CCBE1: variants seen among roughly 807,000 people sequenced by gnomAD.
CCBE1 encodes the protein collagen and calcium-binding EGF domain-containing protein 1.
In CCBE1, 37 loss-of-function variants were observed where a neutral mutation model predicts 50.0. That is an observed-to-expected ratio of 0.74 (90% CI 0.57 to 0.97). The LOEUF is 0.97. Ranked by LOEUF, CCBE1 falls within the 50% of genes least tolerant of loss-of-function variation. CCBE1 has a pLI of 0.00. For synonymous variants in CCBE1, 234 were observed against 203.7 expected (o/e 1.15, Z -1.27); for missense variants, 538 against 523.8 (o/e 1.03, Z -0.26).
chr18:59,694,163 C>T (rs760825303), intron 2 of CCBE1, among the ~76,000 whole-genome samples: 5 of 152,084 alleles, frequency 3.3e-5, no homozygotes, highest in Non-Finnish European at 7.4e-5. Flanking sequence ...AGCCACCGCA[C>T]CCGGCCTAGT....
At chr18:59,436,245 C>G (rs1475075363) in intron 10 of CCBE1, 104 bp from the exon 11 acceptor site, 1 of 982,480 alleles carries the variant, frequency 1.0e-6, no homozygotes, top group Admixed American at 1.9e-5. Context: ...TTCTCAATAA[C>G]TCTGTGCCCC....
chr18:59,492,144 C>CAAAAAAAAA (rs869190811), intron 2 of CCBE1, among the ~76,000 whole-genome samples: 4 of 78,424 alleles, frequency 5.1e-5, no homozygotes, highest in Non-Finnish European at 9.7e-5. Context: ...GACTTTGTCT[C>CAAAAAAAAA]AAAAAAAAAA....
In CCBE1 at chr18:59,433,214, C is replaced by T. The variant is rs1469250750; in HGVS notation, c.*2694G>A. The T allele has an allele frequency of 6.6e-6, 1 of 152,024 alleles. No homozygotes were observed. Among genetic ancestry groups the T allele is most frequent in the Non-Finnish European group, 1.5e-5 (1 of 68,026 alleles). 9.4% of individuals were successfully genotyped at this position (152,024 alleles called of 1,614,324 possible). A position where few individuals can be genotyped will look rare whatever the true frequency, so the allele number is the denominator to read the frequency against. On this transcript the variant is annotated 3_prime_UTR_variant, in exon 11 of 11. Transcript: ENST00000439986. ...TCTCCTTTATTCGAAAAGAGGCAGA[C>T]TGGTTCCTGGGGTTACTGCCCTTCT... is the stretch of plus-strand genomic sequence containing the variant.
chr18:59,435,861 G>T lies in CCBE1; in HGVS notation c.*47C>A. The T allele has an allele frequency of 6.6e-7, 1 of 1,516,866 alleles. No homozygotes were observed. Among genetic ancestry groups the T allele is most frequent in the Non-Finnish European group, 9.2e-7 (1 of 1,091,246 alleles). 94.0% of individuals were successfully genotyped at this position (1,516,866 alleles called of 1,614,324 possible). A position where few individuals can be genotyped will look rare whatever the true frequency, so the allele number is the denominator to read the frequency against. On this transcript the variant is annotated 3_prime_UTR_variant, in exon 11 of 11. Coordinates refer to ENST00000439986, the MANE Select transcript of CCBE1 (RefSeq NM_133459.4). ...CTTCTCTTTAGATGGTTTAACTGCA[G>T]GTGAGTTGATCTTTCTCTTCCTTTG...
chr18:59,609,282 T>C (rs1023806030), intron 2 of CCBE1, among the ~76,000 whole-genome samples: 15 of 152,204 alleles, frequency 9.9e-5, no homozygotes, highest in Non-Finnish European at 1.9e-4. Flanking sequence ...TTAGATCTCC[T>C]GCTCACAAAT....
At chr18:59,649,011 G>A (rs577411324) in intron 2 of CCBE1, among the ~76,000 whole-genome samples, 1 of 152,320 alleles carries the variant, frequency 6.6e-6, no homozygotes, top group Non-Finnish European at 1.5e-5. Flanking sequence ...ACTAACTGCA[G>A]GCATTTAAAC....
chr18:59,618,992 C>G (rs1382722895), intron 2 of CCBE1, among the ~76,000 whole-genome samples: 4 of 152,138 alleles, frequency 2.6e-5, no homozygotes, highest in African/African-American at 9.7e-5. Context: ...TACAAATCAT[C>G]TAATAAAACT....
chr18:59,583,752 A>G (rs1364101680), intron 2 of CCBE1, among the ~76,000 whole-genome samples: 3 of 152,116 alleles, frequency 2.0e-5, no homozygotes, highest in Admixed American at 6.5e-5. Context: ...CTTTCCACAC[A>G]GAGAAGGGCA....
chr18:59,516,559 G>C (rs888978983), intron 2 of CCBE1, among the ~76,000 whole-genome samples: 1 of 152,168 alleles, frequency 6.6e-6, no homozygotes, highest in Non-Finnish European at 1.5e-5. Flanking sequence ...GTGCTGAAAA[G>C]GAAAGTCCAG....
intron 7 of CCBE1, among the ~76,000 whole-genome samples, chr18:59,446,515 C>G (rs1015685270): frequency 6.6e-6 from 1 of 152,202 alleles, no homozygotes; most frequent in African/African-American, 2.4e-5. Flanking sequence ...GAGGATAAGC[C>G]AAATCCTGAA....
At chr18:59,586,960 A>T (rs191165477) in intron 2 of CCBE1, among the ~76,000 whole-genome samples, 1 of 152,334 alleles carries the variant, frequency 6.6e-6, no homozygotes, top group East Asian at 1.9e-4. Flanking sequence ...CAGAAAAAAC[A>T]GAGGGCAGAT....
chr18:59,647,774 C>T (rs897917523), intron 2 of CCBE1, among the ~76,000 whole-genome samples: 1 of 152,074 alleles, frequency 6.6e-6, no homozygotes, highest in Non-Finnish European at 1.5e-5. Flanking sequence ...TCAATTGTTT[C>T]GATGGAATAA....
chr18:59,636,327 T>C (rs553702102), intron 2 of CCBE1, among the ~76,000 whole-genome samples: 1 of 152,204 alleles, frequency 6.6e-6, no homozygotes, highest in Non-Finnish European at 1.5e-5. Context: ...ATTTACATCT[T>C]GGCACTACCT....
At chr18:59,505,699 C>CA (rs1913839294) in intron 2 of CCBE1, among the ~76,000 whole-genome samples, 1 of 152,124 alleles carries the variant, frequency 6.6e-6, no homozygotes, top group Non-Finnish European at 1.5e-5. Context: ...ATAAATATAG[C>CA]AGAAATTTAG....
At chr18:59,451,806 TTAAAAA>T (rs1214565335) in intron 6 of CCBE1, among the ~76,000 whole-genome samples, 2 of 151,910 alleles carry the variant, frequency 1.3e-5, no homozygotes, top group African/African-American at 2.4e-5. Context: ...ACCCCAGAAA[TTAAAAA>T]TAAAAAAAGT....
At position 59,439,582 on chromosome 18, in the gene CCBE1, T is replaced by C; in HGVS notation, c.916-4A>G. On this transcript the variant is annotated splice_polypyrimidine_tract_variant and splice_region_variant and intron_variant, in intron 8 of 10. Coordinates refer to ENST00000439986, the MANE Select transcript of CCBE1 (RefSeq NM_133459.4). ...TTCCTGGTGCCCCTGGTGGACCCTG[T>C]AATACAAAAGGATCTGGTTTAACCA... 6.2e-7 allele frequency: 1 copy of C among 1,614,252 alleles called. No homozygotes were observed. The highest frequency in any genetic ancestry group is 8.5e-7 in the Non-Finnish European group (1 of 1,180,044).
At chr18:59,567,346 C>G (rs2052845964) in intron 2 of CCBE1, among the ~76,000 whole-genome samples, 1 of 152,188 alleles carries the variant, frequency 6.6e-6, no homozygotes, top group Non-Finnish European at 1.5e-5. Flanking sequence ...GTTGGCCAGG[C>G]TGGTCTCAAA....
chr18:59,553,429 C>T (rs1301065361), intron 2 of CCBE1, among the ~76,000 whole-genome samples: 1 of 152,210 alleles, frequency 6.6e-6, no homozygotes, highest in Non-Finnish European at 1.5e-5. Flanking sequence ...ATTGAACTGG[C>T]CAGGCATATG....
At chr18:59,491,364 T>C (rs1027951666) in intron 2 of CCBE1, among the ~76,000 whole-genome samples, 37 of 152,350 alleles carry the variant, frequency 2.4e-4, no homozygotes, top group African/African-American at 7.9e-4. Context: ...GTAGGATTTA[T>C]ACCCTCACCT....
Sources: gnomAD v4.1 joint callset for allele counts (sites outside exome capture counted in the v4.1 genomes callset) on GRCh38, gnomAD v4.1.1 for gene constraint, MANE v1.5 for transcripts, NCBI Gene and HGNC (gene_info 2026-07-23, HGNC 2026-07-21) for gene names.